The following MYH13 variants were observed in gnomAD, a reference collection of about 807,000 sequenced individuals.
MYH13 encodes the protein myosin-13.
A neutral mutation model predicts 232.1 loss-of-function variants in MYH13; 177 were observed. That is an observed-to-expected ratio of 0.76 (90% CI 0.67 to 0.86). The LOEUF (loss-of-function observed/expected upper bound fraction) is 0.86. MYH13 is among the 40% of genes least tolerant of loss of function. MYH13 has a pLI of 0.00. For synonymous variants in MYH13, 884 were observed against 923.5 expected (o/e 0.96, Z 0.78); for missense variants, 2,246 against 2,405.9 (o/e 0.93, Z 1.39).
intron 39 of MYH13, 85 bp from the exon 40 acceptor site, chr17:10,301,788 G>A: frequency 6.6e-7 from 1 of 1,517,150 alleles, no homozygotes; most frequent in Non-Finnish European, 8.8e-7. Context: ...CCTCTGAGGA[G>A]TTAAGCAACC....
chr17:10,333,060 G>C lies in MYH13; in HGVS notation c.2174+14C>G. 1 of 1,524,620 alleles carries C rather than the reference G, an allele frequency of 6.6e-7. No individual in the cohort carries two copies. The highest frequency in any genetic ancestry group is 8.9e-7 in the Non-Finnish European group (1 of 1,122,146). The allele number at this position is 1,524,620 out of a possible 1,614,324, so 94.4% of individuals were successfully genotyped here. ...CTCGGAAGGAGAGAGATGCACAGGA[G>C]AGAGGGAACCTACCGCTGCTTGAAG... On this transcript the variant is annotated intron_variant, in intron 19 of 40. Coordinates refer to ENST00000252172, the MANE Select transcript of MYH13 (RefSeq NM_003802.3).
rs183219245 is a variant in MYH13, at chr17:10,368,582, A to G, written c.-13+2627T>C. On this transcript the variant is annotated intron_variant, in intron 2 of 40. Coordinates refer to ENST00000252172, the MANE Select transcript of MYH13 (RefSeq NM_003802.3). ...GTAGTGAAGAATACAGTAATTACTA[A>G]TACAGTTTGGTGCGGTGCCTTGATT... Among the ~76,000 whole-genome samples the G allele has an allele frequency of 2.0e-5, 3 of 152,348 alleles. No homozygotes were observed. In the East Asian group the frequency reaches 5.8e-4, roughly 29 times the overall value.
chr17:10,309,921 G>T, intron 33 of MYH13, 91 bp from the exon 34 acceptor site: 9 of 1,033,460 alleles, frequency 8.7e-6, no homozygotes, highest in South Asian at 5.0e-5. Flanking sequence ...ATGGGTATGC[G>T]TTTTTTTAAA....
At chr17:10,314,002 T>C (rs1303911050) in intron 29 of MYH13, among the ~76,000 whole-genome samples, 3 of 152,126 alleles carry the variant, frequency 2.0e-5, no homozygotes, top group Non-Finnish European at 2.9e-5. Context: ...CTCCCTCCCA[T>C]TGGAGGGATG....
chr17:10,355,828 C>CTTTTTTTTTTTTTTTTTTTTTT (rs61338527), intron 8 of MYH13, among the ~76,000 whole-genome samples: 7 of 66,814 alleles, frequency 1.0e-4, no homozygotes, highest in Non-Finnish European at 1.8e-4. Context: ...TTCTGTCTGA[C>CTTTTTTTTTTTTTTTTTTTTTT]TTTTTTTTTT....
intron 7 of MYH13, 88 bp from the exon 8 acceptor site, chr17:10,357,915 C>G: frequency 8.4e-7 from 1 of 1,184,512 alleles, no homozygotes; most frequent in Non-Finnish European, 1.2e-6. Context: ...GTACTCTGGG[C>G]AGGTTCAGGT....
chr17:10,310,850 C>G (rs565688016), intron 33 of MYH13, among the ~76,000 whole-genome samples: 1 of 152,350 alleles, frequency 6.6e-6, no homozygotes, highest in East Asian at 1.9e-4. Context: ...GATTGATTTT[C>G]TGCTTCCTGA....
rs149315624 is a variant in MYH13, at chr17:10,331,095, T to G, written c.2299-572A>C. 1.2e-4 allele frequency among the ~76,000 whole-genome samples: 18 copies of G among 151,824 alleles called. 1 individual carries two copies. In the East Asian group the frequency reaches 3.5e-3, roughly 30 times the overall value. On this transcript the variant is annotated intron_variant, in intron 20 of 40. Transcript: ENST00000252172. ...TCCAGGCCCCACCAACCCACAGAGA[T>G]CAGTTCTGACAGAGCTCACATACAG...
intron 12 of MYH13, among the ~76,000 whole-genome samples, chr17:10,348,216 G>A (rs1466953503): frequency 1.3e-5 from 2 of 152,164 alleles, no homozygotes; most frequent in Non-Finnish European, 2.9e-5. Flanking sequence ...AACTTGAAAG[G>A]GGTGATACAT....
chr17:10,349,195 C>T (rs781771404), intron 12 of MYH13, among the ~76,000 whole-genome samples: 5 of 152,046 alleles, frequency 3.3e-5, no homozygotes, highest in South Asian at 2.1e-4. Context: ...CTCCACCTCC[C>T]GGGATCAAGT....
At chr17:10,353,726 G>T (rs974317104) in intron 11 of MYH13, among the ~76,000 whole-genome samples, 1 of 152,044 alleles carries the variant, frequency 6.6e-6, no homozygotes, top group Admixed American at 6.6e-5. Context: ...CACAAAATTA[G>T]CCAGGCATGG....
intron 5 of MYH13, among the ~76,000 whole-genome samples, chr17:10,360,403 G>A (rs2071782787): frequency 6.6e-6 from 1 of 152,146 alleles, no homozygotes; most frequent in South Asian, 2.1e-4. Flanking sequence ...GGAGGTGAAT[G>A]ATTCTCTACT....
chr17:10,345,243 A>C lies in MYH13; in HGVS notation c.1543T>G (p.Phe515Val). ...ATGCAGGCAGCCAGGTCCATTCCGA[A>C]GTCAATGAACTCCCACTCGATGCCT... Reference protein sequence around the residue: ...KEGIEWEFIDFGMDLAACIEL... With the variant: ...KEGIEWEFIDVGMDLAACIEL... Residue 515 changes from phenylalanine to valine, a missense_variant, in exon 15 of 41, where the codon TTC becomes GTC. Physicochemically the swap from Phe to Val is conservative, Grantham distance 50. Coordinates refer to ENST00000252172, the MANE Select transcript of MYH13 (RefSeq NM_003802.3). 1 of 1,614,136 alleles carries C rather than the reference A, an allele frequency of 6.2e-7. No homozygotes were observed. Among genetic ancestry groups the C allele is most frequent in the Admixed American group, 1.7e-5 (1 of 59,996 alleles).
intron 29 of MYH13, 122 bp from the exon 30 acceptor site, chr17:10,313,476 C>T (rs1172279708): frequency 1.4e-6 from 2 of 1,401,288 alleles, no homozygotes; most frequent in East Asian, 4.8e-5. Context: ...CCAATTTTGC[C>T]ATATCAGCAT....
At chr17:10,327,765 C>T in intron 22 of MYH13, 101 bp downstream of exon 22, 2 of 1,446,312 alleles carry the variant, frequency 1.4e-6, no homozygotes, top group Non-Finnish European at 9.4e-7. Flanking sequence ...TGGGTGGCAC[C>T]ACTGTCTCTC....
chr17:10,309,827 A>C lies in MYH13; in HGVS notation c.4660T>G (p.Ser1554Ala), dbSNP rs757900706. The change falls in exon 34 of 41, where the codon TCC becomes GCC. Residue 1554 changes from serine (S) to alanine (A), a missense_variant. Ser to Ala is a moderately conservative substitution (Grantham distance 99, BLOSUM62 1). Coordinates refer to ENST00000252172, the MANE Select transcript of MYH13 (RefSeq NM_003802.3). ...LQVALEEVEGSLEHEESKILR... is the reference protein window; with the variant it reads ...LQVALEEVEGALEHEESKILR... ...ATCTTGCTCTCCTCGTGTTCCAAGG[A>C]ACCCTGACGAAAGCAAAGGAGTGAT... 22 of 1,564,706 alleles carry C rather than the reference A, an allele frequency of 1.4e-5. No homozygotes were observed. Among genetic ancestry groups the C allele is most frequent in the Non-Finnish European group, 1.8e-5 (21 of 1,153,222 alleles).
intron 8 of MYH13, among the ~76,000 whole-genome samples, chr17:10,356,422 A>G (rs966580316): frequency 6.6e-6 from 1 of 152,220 alleles, no homozygotes; most frequent in African/African-American, 2.4e-5. Flanking sequence ...GTAAATGGGA[A>G]TGAGAAGAGG....
chr17:10,335,604 C>A lies in MYH13; in HGVS notation c.2057-2413G>T, dbSNP rs114109269. 7.2e-3 allele frequency among the ~76,000 whole-genome samples: 1,096 copies of A among 151,996 alleles called. 19 individuals are homozygous for A. Among genetic ancestry groups the A allele is most frequent in the African/African-American group, 0.025 (1,045 of 41,436 alleles). ...CTCTTCTCTACTAAAAATATGAAAA[C>A]GTAGCTGGGTGTGGTGGTGCGTCCC... On this transcript the variant is annotated intron_variant, in intron 18 of 40. Transcript: ENST00000252172.
intron 18 of MYH13, 98 bp from the exon 19 acceptor site, chr17:10,333,289 T>C: frequency 1.2e-6 from 1 of 848,358 alleles, no homozygotes; most frequent in African/African-American, 1.6e-5. Flanking sequence ...CACACTTGAG[T>C]GGGAGAGTCA....
Sources: allele counts gnomAD v4.1 joint callset (sites outside exome capture counted in the v4.1 genomes callset), GRCh38; gene constraint gnomAD v4.1.1; transcripts MANE v1.5; gene names NCBI Gene and HGNC (gene_info 2026-07-23, HGNC 2026-07-21).